PPP1R1C: variants seen among roughly 807,000 people sequenced by gnomAD.
The protein encoded by PPP1R1C is protein phosphatase 1 regulatory inhibitor subunit 1C, also known as protein phosphatase 1 regulatory subunit 1C.
A neutral mutation model predicts 17.4 loss-of-function variants in PPP1R1C; 15 were observed. The ratio of observed to expected loss-of-function variants is 0.86; its 90% CI spans 0.58 to 1.33. The LOEUF (loss-of-function observed/expected upper bound fraction) is 1.33, where lower values mean the gene tolerates loss of function less well. Among genes scored for constraint, PPP1R1C ranks in the 40% most tolerant of loss-of-function variants. The probability of loss-of-function intolerance (pLI) is 0.00; values close to 1 mark genes in which losing one functional copy is unlikely to be tolerated. For missense variants in PPP1R1C, 143 were observed against 130.0 expected (o/e 1.10, Z -0.48); for synonymous variants, 35 against 43.1 (o/e 0.81, Z 0.73).
chr2:181,991,671 A>C (rs979546989), intron 2 of PPP1R1C, among the ~76,000 whole-genome samples: 1 of 152,184 alleles, frequency 6.6e-6, no homozygotes, highest in African/African-American at 2.4e-5. Context: ...CGTCTTTTTC[A>C]AATGTTTTCT....
chr2:182,019,882 C>T (rs1686366095), intron 2 of PPP1R1C, among the ~76,000 whole-genome samples: 1 of 152,162 alleles, frequency 6.6e-6, no homozygotes, highest in African/African-American at 2.4e-5. Context: ...AGCTTAGCAA[C>T]TAATTTGATG....
At chr2:182,094,256 A>T (rs2125223200) in intron 4 of PPP1R1C, among the ~76,000 whole-genome samples, 1 of 152,266 alleles carries the variant, frequency 6.6e-6, no homozygotes, top group South Asian at 2.1e-4. Context: ...ATTTGCTATT[A>T]CAAGAACAGC....
chr2:182,019,133 G>C (rs1686342506), intron 2 of PPP1R1C, among the ~76,000 whole-genome samples: 2 of 151,956 alleles, frequency 1.3e-5, no homozygotes, highest in Non-Finnish European at 2.9e-5. Flanking sequence ...TCAAAAATAA[G>C]ACCAAATGTA....
chr2:182,042,981 T>A (rs1011625076), intron 2 of PPP1R1C, among the ~76,000 whole-genome samples: 1 of 152,204 alleles, frequency 6.6e-6, no homozygotes, highest in African/African-American at 2.4e-5. Context: ...ACAACAATAT[T>A]TGTTTAAAAA....
At chr2:182,050,828 C>A (rs992517309) in intron 2 of PPP1R1C, among the ~76,000 whole-genome samples, 2 of 152,168 alleles carry the variant, frequency 1.3e-5, no homozygotes, top group African/African-American at 2.4e-5. Flanking sequence ...TTTTCCACTT[C>A]ATTTATTAAT....
chr2:182,041,274 G>A (rs186449375), intron 2 of PPP1R1C, among the ~76,000 whole-genome samples: 39 of 152,156 alleles, frequency 2.6e-4, no homozygotes, highest in Middle Eastern at 3.4e-3. Flanking sequence ...ATATGTCATC[G>A]ACATTAGATA....
chr2:182,088,160 C>T (rs1282464603), intron 4 of PPP1R1C, among the ~76,000 whole-genome samples: 2 of 152,048 alleles, frequency 1.3e-5, no homozygotes, highest in Non-Finnish European at 2.9e-5. Flanking sequence ...CATCTGCAGA[C>T]AGACACTGCA....
At chr2:182,031,844 TA>T (rs1686850600) in intron 2 of PPP1R1C, among the ~76,000 whole-genome samples, 1 of 152,134 alleles carries the variant, frequency 6.6e-6, no homozygotes, top group Non-Finnish European at 1.5e-5. Context: ...AAGATTTTGT[TA>T]AAAGAAAAAA....
chr2:182,097,254 G>A (rs543713340), intron 4 of PPP1R1C, among the ~76,000 whole-genome samples: 10 of 152,216 alleles, frequency 6.6e-5, no homozygotes, highest in African/African-American at 2.2e-4. Flanking sequence ...ACTAGTCCTC[G>A]AGTGGTAGTT....
At chr2:182,108,933 G>C (rs1364332606) in intron 4 of PPP1R1C, among the ~76,000 whole-genome samples, 2 of 152,162 alleles carry the variant, frequency 1.3e-5, no homozygotes, top group Admixed American at 6.5e-5. Context: ...GTAGGAAATT[G>C]CCAAACTCTC....
chr2:182,020,838 C>G (rs896274129), intron 2 of PPP1R1C, among the ~76,000 whole-genome samples: 3 of 152,162 alleles, frequency 2.0e-5, no homozygotes, highest in Non-Finnish European at 2.9e-5. Flanking sequence ...AAAGGTTAGT[C>G]TGACTTTGTT....
chr2:181,986,398 A>T (rs539763278), intron 1 of PPP1R1C, among the ~76,000 whole-genome samples: 2 of 152,336 alleles, frequency 1.3e-5, no homozygotes, highest in African/African-American at 4.8e-5. Flanking sequence ...ACTTCATTTG[A>T]TACAAAATTA....
At chr2:182,082,701 G>A (rs748875015) in intron 4 of PPP1R1C, among the ~76,000 whole-genome samples, 2 of 152,066 alleles carry the variant, frequency 1.3e-5, no homozygotes, top group South Asian at 2.1e-4. Context: ...TTTAACAAAA[G>A]CACTGTTAAA....
At chr2:182,009,635 G>C (rs1686032998) in intron 2 of PPP1R1C, among the ~76,000 whole-genome samples, 1 of 152,006 alleles carries the variant, frequency 6.6e-6, no homozygotes, top group Admixed American at 6.6e-5. Flanking sequence ...AACTGGATAT[G>C]ATTCTATTTG....
chr2:182,085,038 G>T (rs187633453), intron 4 of PPP1R1C, among the ~76,000 whole-genome samples: 1 of 151,840 alleles, frequency 6.6e-6, no homozygotes, highest in Non-Finnish European at 1.5e-5. Flanking sequence ...TTAAATTGTT[G>T]ATTTAATTCT....
intron 4 of PPP1R1C, among the ~76,000 whole-genome samples, chr2:182,113,974 T>G (rs1371093887): frequency 6.6e-6 from 1 of 152,238 alleles, no homozygotes; most frequent in African/African-American, 2.4e-5. Context: ...AACCATTTGA[T>G]CTACAGAATA....
chr2:182,021,317 CTCTCT>C (rs1343594176), intron 2 of PPP1R1C, among the ~76,000 whole-genome samples: 5 of 57,236 alleles, frequency 8.7e-5, no homozygotes, highest in Admixed American at 4.5e-4. Context: ...CTTTCTCTCT[CTCTCT>C]TTTTTTTTTT....
chr2:182,043,505 T>C (rs1687247535), intron 2 of PPP1R1C, among the ~76,000 whole-genome samples: 1 of 152,172 alleles, frequency 6.6e-6, no homozygotes, highest in African/African-American at 2.4e-5. Flanking sequence ...TCTATTTTTT[T>C]CCACATATAT....
At chr2:182,106,972 G>A (rs1689273175) in intron 4 of PPP1R1C, among the ~76,000 whole-genome samples, 1 of 152,096 alleles carries the variant, frequency 6.6e-6, no homozygotes, top group African/African-American at 2.4e-5. Flanking sequence ...CCATTTCACA[G>A]TCATTTTGGA....
Sources: gnomAD v4.1 joint callset for allele counts (sites outside exome capture counted in the v4.1 genomes callset) on GRCh38, gnomAD v4.1.1 for gene constraint, MANE v1.5 for transcripts, NCBI Gene and HGNC (gene_info 2026-07-23, HGNC 2026-07-21) for gene names.